The following CD164L2 variants were observed in gnomAD, a reference collection of about 807,000 sequenced individuals.
The protein encoded by CD164L2 is CD164 sialomucin-like 2 protein.
Under a neutral mutation model 23.9 loss-of-function variants are expected in CD164L2, and 21 were observed. The ratio of observed to expected loss-of-function variants is 0.88; its 90% CI spans 0.62 to 1.27. The LOEUF is 1.27. CD164L2 is among the 50% of genes most tolerant of loss of function. The probability of loss-of-function intolerance (pLI) is 0.00; values close to 1 mark genes in which losing one functional copy is unlikely to be tolerated. For missense variants in CD164L2, 230 were observed against 224.8 expected (o/e 1.02, Z -0.15); for synonymous variants, 92 against 90.2 (o/e 1.02, Z -0.11).
In CD164L2 at chr1:27,380,131, G is replaced by A. The variant is rs142703194; in HGVS notation, c.438C>T (p.Val146=). The A allele has an allele frequency of 8.5e-3, 13,643 of 1,614,158 alleles. 77 individuals are homozygous for A. The highest frequency in any genetic ancestry group is 0.01 in the Non-Finnish European group (12,388 of 1,180,020). ...CCGCCTGTAGGCTCAACACCAGCAC[G>A]ACACCTCCGATAAAGCTGGCCCCGT... is the stretch of plus-strand genomic sequence containing the variant. ...GFDGASFIGG[V]VLVLSLQAVA... is the part of the protein sequence containing the mutation. Residue 146 remains valine, a synonymous_variant, in exon 5 of 6, where the codon GTC becomes GTT. Coordinates refer to ENST00000374030, the MANE Select transcript of CD164L2 (RefSeq NM_001330448.1).
Position 27,379,208 on chromosome 1 carries a change from GC to G in CD164L2, c.*294del. The G allele has an allele frequency of 1.8e-6, 1 of 550,178 alleles. No homozygotes were observed. The highest frequency in any genetic ancestry group is 3.3e-6 in the Non-Finnish European group (1 of 305,048). 34.1% of individuals were successfully genotyped at this position (550,178 alleles called of 1,614,324 possible). On this transcript the variant is annotated 3_prime_UTR_variant, in exon 6 of 6. Transcript: ENST00000374030. ...CAGAGTTCCTTTATTTGGGGGCAGT[GC>G]CCAGGCCAGTTGGTGGAAAGAGGCA...
chr1:27,379,847 A>T (rs2016305423), intron 5 of CD164L2: 2 of 1,480,290 alleles, frequency 1.4e-6, no homozygotes, highest in Non-Finnish European at 1.8e-6. Flanking sequence ...GCCCAGGCTG[A>T]GTCCTGGTCC....
chr1:27,381,700 G>GGGCTCAGCT, intron 4 of CD164L2, 80 bp downstream of exon 4: 1 of 1,510,222 alleles, frequency 6.6e-7, no homozygotes, highest in Non-Finnish European at 9.1e-7. Flanking sequence ...AGGTCACAGA[G>GGGCTCAGCT]CATGTCAGTG....
chr1:27,381,299 C>T (rs2016331256), intron 4 of CD164L2, among the ~76,000 whole-genome samples: 1 of 152,186 alleles, frequency 6.6e-6, no homozygotes, highest in South Asian at 2.1e-4. Context: ...CTTCAGCCAT[C>T]CCTGCCAAGT....
chr1:27,379,605 A>T, intron 5 of CD164L2, 96 bp from the exon 6 acceptor site: 1 of 1,548,286 alleles, frequency 6.5e-7, no homozygotes, highest in East Asian at 2.4e-5. Flanking sequence ...AAGAGCAAAC[A>T]CTTTAACACA....
intron 3 of CD164L2, chr1:27,382,031 C>T (rs2016344950): frequency 1.7e-5 from 25 of 1,453,516 alleles, no homozygotes; most frequent in Non-Finnish European, 2.1e-5. Context: ...TTACTGATGC[C>T]ACCTCCTCCA....
chr1:27,380,203 G>A lies in CD164L2; in HGVS notation c.374-8C>T, dbSNP rs776227227. ...CAGGGACTGGGGGGCTCCCTGCAGG[G>A]GTGAGGCAGGGCAGGGGTCATAGCA... On this transcript the variant is annotated splice_region_variant and splice_polypyrimidine_tract_variant and intron_variant, in intron 4 of 5. Coordinates refer to ENST00000374030, the MANE Select transcript of CD164L2 (RefSeq NM_001330448.1). 2 of 1,613,032 alleles carry A rather than the reference G, an allele frequency of 1.2e-6. No individual in the cohort carries two copies. Among genetic ancestry groups the A allele is most frequent in the Non-Finnish European group, 1.7e-6 (2 of 1,179,256 alleles).
chr1:27,382,799 T>G, intron 1 of CD164L2, 132 bp from the exon 2 acceptor site: 1 of 976,684 alleles, frequency 1.0e-6, no homozygotes, highest in Non-Finnish European at 1.5e-6. Context: ...CACCCCTGGA[T>G]CCCCAAGCCC....
chr1:27,382,549 C>T lies in CD164L2; in HGVS notation c.207G>A (p.Ala69=), dbSNP rs374864144. ...CCCACACGCAGCTGGAGAGATTGCGCGCTCCGTCTCCCTCCACGCAGTGCT... is the reference window on the plus strand; with the variant it reads ...CCCACACGCAGCTGGAGAGATTGCGTGCTCCGTCTCCCTCCACGCAGTGCT... ...VCEHCVEGDG[A]RNLSSCVWEQ... The change falls in exon 2 of 6, where the codon GCG becomes GCA. Residue 69 remains alanine (A), a synonymous_variant. Coordinates refer to ENST00000374030, the MANE Select transcript of CD164L2 (RefSeq NM_001330448.1). 35 of 1,613,642 alleles carry T rather than the reference C, an allele frequency of 2.2e-5. No homozygotes were observed. The highest frequency in any genetic ancestry group is 8.9e-5 in the East Asian group (4 of 44,884).
In CD164L2 at chr1:27,382,376, C is replaced by T. The variant is rs758054516; in HGVS notation, c.280G>A (p.Val94Met). The change falls in exon 3 of 6, where the codon GTG (valine) becomes ATG (methionine). Residue 94 changes from valine (V) to methionine (M), a missense_variant. Val to Met is a conservative substitution (Grantham distance 21). Coordinates refer to ENST00000374030, the MANE Select transcript of CD164L2 (RefSeq NM_001330448.1). ...TAGATGGAGCAACCTTCCTTGACCA[C>T]CTCAGATTGGGCCACACAGTGTCCT... ...EPGHCVAQSE[V>M]VKEGCSIYNR... 10 of 1,612,112 alleles carry T rather than the reference C, an allele frequency of 6.2e-6. No homozygotes were observed. The highest frequency in any genetic ancestry group is 4.4e-5 in the South Asian group (4 of 90,922).
In CD164L2 at chr1:27,382,561, C is replaced by T. The variant is rs2016357647; in HGVS notation, c.195G>A (p.Glu65=). ...KQLEVCEHCV[E]GDGARNLSSC... ...TGGAGAGATTGCGCGCTCCGTCTCCCTCCACGCAGTGCTCACAGACCTCCA... is the reference window on the plus strand; with the variant it reads ...TGGAGAGATTGCGCGCTCCGTCTCCTTCCACGCAGTGCTCACAGACCTCCA... The change falls in exon 2 of 6, where the codon GAG becomes GAA. Residue 65 remains glutamate, a synonymous_variant. Coordinates refer to ENST00000374030, the MANE Select transcript of CD164L2 (RefSeq NM_001330448.1). The T allele has an allele frequency of 3.1e-6, 5 of 1,613,760 alleles. No homozygotes were observed. The South Asian group carries it at 4.4e-5, about 14-fold the overall frequency.
At chr1:27,380,348 A>G (rs1462734283) in intron 4 of CD164L2, among the ~76,000 whole-genome samples, 153 bp from the exon 5 acceptor site, 2 of 152,150 alleles carry the variant, frequency 1.3e-5, no homozygotes, top group African/African-American at 4.8e-5. Flanking sequence ...TCCCGCAGGC[A>G]GTTGGGAAGC....
rs1571100578 is a variant in CD164L2, at chr1:27,382,793, C to A, written c.89-126G>T. The A allele has an allele frequency of 5.7e-6, 6 of 1,044,876 alleles. No homozygotes were observed. In the South Asian group the frequency reaches 9.7e-5, roughly 17 times the overall value. The allele number at this position is 1,044,876 out of a possible 1,614,324, so 64.7% of individuals were successfully genotyped here. ...ACACATCTGGGCTCTCACACTCACC[C>A]CTGGATCCCCAAGCCCCAGCGCACA... On this transcript the variant is annotated intron_variant, in intron 1 of 5. Transcript: ENST00000374030.
chr1:27,381,980 C>T, intron 3 of CD164L2, 156 bp from the exon 4 acceptor site: 1 of 1,361,148 alleles, frequency 7.3e-7, no homozygotes, highest in Non-Finnish European at 1.0e-6. Context: ...CAGTTCCCTC[C>T]ACCAGATGTG....
Position 27,383,180 on chromosome 1 carries a change from G to A in CD164L2, c.60C>T (p.Leu20=), listed in dbSNP as rs1286379351. ...RTALCGGCCC[L]LLCAQLAVAG... The stretch of plus-strand genomic sequence containing the variant: ...CCACAGCCAGCTGGGCACATAGGAG[G>A]AGGCAGCAACAGCCGCCACAGAGCG... The change falls in exon 1 of 6, where the codon CTC becomes CTT. Residue 20 remains leucine, a synonymous_variant. Coordinates refer to ENST00000374030, the MANE Select transcript of CD164L2 (RefSeq NM_001330448.1). 7.1e-6 allele frequency: 11 copies of A among 1,548,406 alleles called. No individual in the cohort carries two copies. The highest frequency in any genetic ancestry group is 9.6e-6 in the Non-Finnish European group (11 of 1,146,844).
At chr1:27,382,098 T>A in intron 3 of CD164L2, 1 of 1,484,636 alleles carries the variant, frequency 6.7e-7, no homozygotes, top group Non-Finnish European at 9.0e-7. Context: ...TGCCTTAAAC[T>A]AGAAGAAGAG....
chr1:27,382,498 A>G lies in CD164L2; in HGVS notation c.256+2T>C. The G allele has an allele frequency of 6.2e-7, 1 of 1,600,054 alleles. No individual in the cohort carries two copies. The highest frequency in any genetic ancestry group is 8.5e-7 in the Non-Finnish European group (1 of 1,170,866). ...CAATCTGGGGAGGGCTCAGCTCCATACCTGGCTCCTCTGGCCGGCACTGCT... is the reference window on the plus strand; with the variant it reads ...CAATCTGGGGAGGGCTCAGCTCCATGCCTGGCTCCTCTGGCCGGCACTGCT... On this transcript the variant is annotated splice_donor_variant, in intron 2 of 5. Transcript: ENST00000374030. LOFTEE classifies it high-confidence loss of function.
intron 4 of CD164L2, 53 bp from the exon 5 acceptor site, chr1:27,380,248 C>A: frequency 6.5e-7 from 1 of 1,529,922 alleles, no homozygotes; most frequent in South Asian, 1.2e-5. Context: ...AACCAGGATC[C>A]CAGTCCTACC....
Position 27,380,134 on chromosome 1 carries a change from A to G in CD164L2, c.435T>C (p.Gly145=). The G allele has an allele frequency of 1.2e-6, 2 of 1,613,926 alleles. No homozygotes were observed. Among genetic ancestry groups the G allele is most frequent in the Admixed American group, 1.7e-5 (1 of 60,006 alleles). The stretch of plus-strand genomic sequence containing the variant: ...CCTGTAGGCTCAACACCAGCACGAC[A>G]CCTCCGATAAAGCTGGCCCCGTCAA... ...PGFDGASFIG[G]VVLVLSLQAV... is the part of the protein sequence containing the mutation. Residue 145 remains glycine, a synonymous_variant, in exon 5 of 6, where the codon GGT becomes GGC. Transcript: ENST00000374030.
Sources: allele counts gnomAD v4.1 joint callset (sites outside exome capture counted in the v4.1 genomes callset), GRCh38; gene constraint gnomAD v4.1.1; transcripts MANE v1.5; gene names NCBI Gene and HGNC (gene_info 2026-07-23, HGNC 2026-07-21).